The following WWTR1 variants were observed in gnomAD, a reference collection of about 807,000 sequenced individuals.
The protein encoded by WWTR1 is WW domain-containing transcription regulator protein 1.
A neutral mutation model predicts 40.1 loss-of-function variants in WWTR1; 13 were observed. That is an observed-to-expected ratio of 0.32 (90% CI 0.21 to 0.52). WWTR1 has a LOEUF of 0.52. Among genes scored for constraint, WWTR1 ranks in the 20% least tolerant of loss-of-function variants. The pLI, the probability that WWTR1 is intolerant of heterozygous loss-of-function variation, is 0.97. For missense variants in WWTR1, 436 were observed against 523.1 expected (o/e 0.83, Z 1.63); for synonymous variants, 230 against 210.1 (o/e 1.09, Z -0.82).
At chr3:149,564,465 G>A (rs893615701) in intron 3 of WWTR1, among the ~76,000 whole-genome samples, 1 of 150,520 alleles carries the variant, frequency 6.6e-6, no homozygotes, top group South Asian at 2.1e-4. Flanking sequence ...AAAGCTCAAG[G>A]TTCTCCCCTG....
intron 2 of WWTR1, among the ~76,000 whole-genome samples, chr3:149,655,393 C>T (rs913929941): frequency 1.3e-5 from 2 of 152,062 alleles, no homozygotes; most frequent in Non-Finnish European, 2.9e-5. Context: ...TGCAGTGAGC[C>T]GAGATTGTGC....
intron 2 of WWTR1, among the ~76,000 whole-genome samples, chr3:149,621,464 A>T (rs907550911): frequency 5.9e-5 from 9 of 152,334 alleles, no homozygotes; most frequent in Admixed American, 5.2e-4. Flanking sequence ...CCGCTGCACC[A>T]CAGTAGCTTG....
chr3:149,697,924 G>A (rs1171379569), intron 1 of WWTR1, among the ~76,000 whole-genome samples: 1 of 152,200 alleles, frequency 6.6e-6, no homozygotes, highest in South Asian at 2.1e-4. Context: ...AACCCAGGAG[G>A]GCAGGCATTA....
At chr3:149,692,304 A>G (rs1358826747) in intron 1 of WWTR1, among the ~76,000 whole-genome samples, 2 of 152,256 alleles carry the variant, frequency 1.3e-5, no homozygotes, top group Non-Finnish European at 2.9e-5. Flanking sequence ...ATAATTCACC[A>G]TGACCAAGTG....
At chr3:149,680,315 A>G (rs4681547) in intron 1 of WWTR1, among the ~76,000 whole-genome samples, 73,073 of 151,988 alleles carry the variant, frequency 0.48, 17,764 homozygotes, top group Middle Eastern at 0.63. Flanking sequence ...AGGCCGAGGC[A>G]GGCAGATCAC....
At chr3:149,589,150 G>T (rs542785006) in intron 2 of WWTR1, among the ~76,000 whole-genome samples, 1 of 152,236 alleles carries the variant, frequency 6.6e-6, no homozygotes, top group East Asian at 1.9e-4. Context: ...ACAATCTGGG[G>T]CATCTTATAT....
At chr3:149,666,825 A>G (rs1351342577) in intron 2 of WWTR1, among the ~76,000 whole-genome samples, 4 of 152,252 alleles carry the variant, frequency 2.6e-5, no homozygotes, top group Non-Finnish European at 4.4e-5. Context: ...TCCTAACAGA[A>G]TCAGACTCTT....
chr3:149,692,097 T>C, intron 1 of WWTR1, among the ~76,000 whole-genome samples: 1 of 151,506 alleles, frequency 6.6e-6, no homozygotes, highest in Non-Finnish European at 1.5e-5. Flanking sequence ...AGTGAATTCT[T>C]CCAAACTCAT....
At chr3:149,690,816 T>C (rs1333131538) in intron 1 of WWTR1, among the ~76,000 whole-genome samples, 2 of 152,184 alleles carry the variant, frequency 1.3e-5, no homozygotes, top group Non-Finnish European at 2.9e-5. Context: ...AGAATTAACA[T>C]TCTTCTCCTC....
chr3:149,533,674 G>T (rs1002632580), intron 4 of WWTR1, among the ~76,000 whole-genome samples: 3 of 152,154 alleles, frequency 2.0e-5, no homozygotes, highest in Admixed American at 6.5e-5. Flanking sequence ...GAACCAGAAA[G>T]ATTGGAGTTC....
At chr3:149,656,781 TCTCTCTCTCTCACA>T in intron 2 of WWTR1, 81 bp downstream of exon 2, 1 of 1,007,206 alleles carries the variant, frequency 9.9e-7, no homozygotes, top group African/African-American at 1.8e-5. Flanking sequence ...TCTCTCTCTC[TCTCTCTCTCTCACA>T]CACACACACA....
At chr3:149,597,872 G>T (rs184856040) in intron 2 of WWTR1, among the ~76,000 whole-genome samples, 130 of 152,308 alleles carry the variant, frequency 8.5e-4, no homozygotes, top group African/African-American at 3.1e-3. Flanking sequence ...ATGCACAAGA[G>T]AGGTCACCCT....
At chr3:149,719,387 T>A (rs992961492) in intron 4 of WWTR1, among the ~76,000 whole-genome samples, 1 of 152,138 alleles carries the variant, frequency 6.6e-6, no homozygotes, top group Non-Finnish European at 1.5e-5. Flanking sequence ...GTCAGGCTGA[T>A]CTTGAACTCC....
At chr3:149,690,061 T>A (rs1714767895) in intron 1 of WWTR1, among the ~76,000 whole-genome samples, 1 of 152,172 alleles carries the variant, frequency 6.6e-6, no homozygotes. Context: ...GTTACCAGTT[T>A]TAAATAACGG....
At chr3:149,571,193 G>A (rs1176700671) in intron 3 of WWTR1, among the ~76,000 whole-genome samples, 3 of 128,936 alleles carry the variant, frequency 2.3e-5, no homozygotes, top group Non-Finnish European at 4.9e-5. Flanking sequence ...TGGAGGAAGT[G>A]TTTGAATTTT....
At chr3:149,540,284 T>C (rs1464115028) in intron 4 of WWTR1, 1 of 456,702 alleles carries the variant, frequency 2.2e-6, no homozygotes, top group Non-Finnish European at 4.4e-6. Context: ...TTGGTTGGCA[T>C]TTCTGTAATA....
chr3:149,574,834 C>T (rs1305215121), intron 2 of WWTR1, among the ~76,000 whole-genome samples: 2 of 151,372 alleles, frequency 1.3e-5, no homozygotes, highest in Non-Finnish European at 2.9e-5. Context: ...GTGGCTCACG[C>T]CTCTAATCCC....
chr3:149,644,363 T>TA (rs1172827344), intron 2 of WWTR1, among the ~76,000 whole-genome samples: 1 of 152,228 alleles, frequency 6.6e-6, no homozygotes, highest in African/African-American at 2.4e-5. Context: ...AGTGGCAGAA[T>TA]ATTCCAGTCA....
chr3:149,692,117 T>A, intron 1 of WWTR1, among the ~76,000 whole-genome samples: 2 of 149,608 alleles, frequency 1.3e-5, no homozygotes, highest in East Asian at 2.0e-4. Flanking sequence ...TTCTATGAAG[T>A]CAGTATTACC....
Sources: allele counts gnomAD v4.1 joint callset (sites outside exome capture counted in the v4.1 genomes callset), GRCh38; gene constraint gnomAD v4.1.1; transcripts MANE v1.5; gene names NCBI Gene and HGNC (gene_info 2026-07-23, HGNC 2026-07-21).